Variants in ATP13A4 observed in about 807,000 individuals in gnomAD.
ATP13A4 encodes the protein ATPase 13A4, also known as probable cation-transporting ATPase 13A4.
A neutral mutation model predicts 142.5 loss-of-function variants in ATP13A4; 114 were observed. That is an observed-to-expected ratio of 0.80 (90% CI 0.69 to 0.93). ATP13A4 has a LOEUF of 0.93. Ranked by LOEUF, ATP13A4 falls within the 40% of genes least tolerant of loss-of-function variation. ATP13A4 has a pLI of 0.00. For synonymous variants in ATP13A4, 488 were observed against 514.8 expected (o/e 0.95, Z 0.70); for missense variants, 1,392 against 1,454.0 (o/e 0.96, Z 0.69).
intron 18 of ATP13A4, among the ~76,000 whole-genome samples, chr3:193,442,799 A>G (rs1265307509): frequency 5.9e-5 from 9 of 152,228 alleles, no homozygotes; most frequent in African/African-American, 1.9e-4. Flanking sequence ...GAAAAAATTA[A>G]AAAGCAAAAT....
rs1380624369 is a variant in ATP13A4 at position 193,457,049 on chromosome 3, G to A, written c.1866C>T (p.Phe622=). The A allele has an allele frequency of 3.1e-6, 5 of 1,614,004 alleles. No homozygotes were observed. In the East Asian group the frequency reaches 6.7e-5, roughly 22 times the overall value. Residue 622 remains phenylalanine (F), a synonymous_variant, in exon 16 of 30, where the codon TTC becomes TTT. Coordinates refer to ENST00000342695, the MANE Select transcript of ATP13A4 (RefSeq NM_032279.4). The part of the protein sequence containing the change: ...VQEMGGDRLA[F]MKGAPERVAS... ...CCACCCTCTCTGGTGCACCTTTCAT[G>A]AATGCCAGTCGGTCACCTCCCATCT...
At chr3:193,573,266 TATATATATAC>T (rs1724310560) in intron 2 of ATP13A4, among the ~76,000 whole-genome samples, 1 of 108,444 alleles carries the variant, frequency 9.2e-6, no homozygotes, top group Non-Finnish European at 1.8e-5. Flanking sequence ...CAGCCATATA[TATATATATAC>T]ATATATATAT....
intron 1 of ATP13A4, among the ~76,000 whole-genome samples, chr3:193,544,625 T>A (rs967494607): frequency 3.9e-5 from 6 of 152,180 alleles, no homozygotes; most frequent in Non-Finnish European, 5.9e-5. Context: ...ATCCAGATGA[T>A]TTGATTTCAA....
Position 193,448,204 on chromosome 3 carries a change from AC to A in ATP13A4, c.2152+1del. ...GTTTTCACTGTATACTTTGTTTCAT[AC>A]CTGTGATCATTACAGTCCTTATCCG... On this transcript the variant is annotated splice_donor_variant, in intron 18 of 29. Coordinates refer to ENST00000342695, the MANE Select transcript of ATP13A4 (RefSeq NM_032279.4). LOFTEE classifies it high-confidence loss of function. 1 of 1,614,030 alleles carries A rather than the reference AC, an allele frequency of 6.2e-7. No homozygotes were observed. The highest frequency in any genetic ancestry group is 2.2e-5 in the East Asian group (1 of 44,874).
At chr3:193,435,605 G>C (rs1229915549) in intron 24 of ATP13A4, 43 bp downstream of exon 24, 2 of 1,487,680 alleles carry the variant, frequency 1.3e-6, no homozygotes, top group Admixed American at 3.3e-5. Flanking sequence ...ACCGCTACTT[G>C]TTTTAGTTCA....
At chr3:193,574,406 T>C (rs1484273748) in intron 2 of ATP13A4, among the ~76,000 whole-genome samples, 1 of 152,188 alleles carries the variant, frequency 6.6e-6, no homozygotes, top group African/African-American at 2.4e-5. Flanking sequence ...GCTCTTTTTG[T>C]AGTTCTCTGT....
chr3:193,584,222 C>T (rs147157306), intron 1 of ATP13A4, among the ~76,000 whole-genome samples: 42 of 152,154 alleles, frequency 2.8e-4, no homozygotes, highest in Middle Eastern at 3.4e-3. Context: ...CACACGGATG[C>T]TTACATGTGG....
rs778553015 is a variant in ATP13A4 at position 193,441,475 on chromosome 3, T to C, written c.2430A>G (p.Leu810=). 10 of 1,613,854 alleles carry C rather than the reference T, an allele frequency of 6.2e-6. No homozygotes were observed. The South Asian group carries it at 1.1e-4, about 18-fold the overall frequency. ...FHVISQHFSS[L]LPKILINGTI... ...CCCTCTTAGAACTTACCTTTGGCAG[T>C]AGGCTGCTGAAATGTTGACTTATAA... The change falls in exon 20 of 30, where the codon CTA becomes CTG. Residue 810 remains leucine, a synonymous_variant. Coordinates refer to ENST00000342695, the MANE Select transcript of ATP13A4 (RefSeq NM_032279.4).
chr3:193,470,665 G>C (rs1718564910), intron 9 of ATP13A4, among the ~76,000 whole-genome samples, 194 bp downstream of exon 9: 1 of 152,118 alleles, frequency 6.6e-6, no homozygotes, highest in Admixed American at 6.5e-5. Flanking sequence ...CACATAGAAA[G>C]AGCTTTAATT....
intron 25 of ATP13A4, among the ~76,000 whole-genome samples, chr3:193,433,578 CATTTT>C (rs1286899761): frequency 6.6e-6 from 1 of 152,110 alleles, no homozygotes; most frequent in Non-Finnish European, 1.5e-5. Context: ...CTGCTTTTTT[CATTTT>C]AAGTGTTTAG....
Position 193,457,167 on chromosome 3 carries a change from G to A in ATP13A4, c.1762-14C>T. 1 of 1,612,638 alleles carries A rather than the reference G, an allele frequency of 6.2e-7. No homozygotes were observed. The highest frequency in any genetic ancestry group is 2.2e-5 in the East Asian group (1 of 44,886). Reference sequence around the variant, plus strand: ...TTCCACTGGGACCTGGTTGAGGGATGGGGAAAGGAGAGGAACATGCTGATA... The same window carrying A: ...TTCCACTGGGACCTGGTTGAGGGATAGGGAAAGGAGAGGAACATGCTGATA... On this transcript the variant is annotated splice_polypyrimidine_tract_variant and intron_variant, in intron 15 of 29. Coordinates refer to ENST00000342695, the MANE Select transcript of ATP13A4 (RefSeq NM_032279.4).
rs1485305818 is a variant in ATP13A4, at chr3:193,422,124, T to C, written c.2843-7374A>G. Among the ~76,000 whole-genome samples the C allele has an allele frequency of 1.3e-5, 2 of 149,772 alleles. 1 individual carries two copies. Among genetic ancestry groups the C allele is most frequent in the East Asian group, 4.1e-4 (2 of 4,844 alleles). On this transcript the variant is annotated intron_variant, in intron 25 of 29. Transcript: ENST00000342695. ...AGAAGATATTCTATGCAAATGGTAA[T>C]CAAAAGAGAGCAAGATTGGCTATAT... is the stretch of plus-strand genomic sequence containing the variant.
intron 14 of ATP13A4, chr3:193,458,608 T>G (rs577063747): frequency 5.5e-5 from 10 of 180,206 alleles, no homozygotes; most frequent in Middle Eastern, 5.1e-3. Context: ...TTTTTGTTCT[T>G]TCTAGTCTTG....
chr3:193,453,751 T>A (rs190922491), intron 17 of ATP13A4, among the ~76,000 whole-genome samples: 20 of 152,324 alleles, frequency 1.3e-4, no homozygotes, highest in Admixed American at 1.2e-3. Flanking sequence ...TAATTTTTTT[T>A]AAATGGGGGC....
chr3:193,474,326 A>AAAAAAAAAAAAAAAAAAAAAAAC (rs1718800704), intron 8 of ATP13A4, among the ~76,000 whole-genome samples: 1 of 142,310 alleles, frequency 7.0e-6, no homozygotes. Flanking sequence ...CCGTCTCAAA[A>AAAAAAAAAAAAAAAAAAAAAAAC]AAAAAAAAAA....
intron 2 of ATP13A4, among the ~76,000 whole-genome samples, chr3:193,565,262 A>G (rs978597304): frequency 6.6e-6 from 1 of 152,168 alleles, no homozygotes; most frequent in African/African-American, 2.4e-5. Context: ...CCTTTAATAG[A>G]TCTCCTGGAG....
At chr3:193,477,299 G>A (rs1168233929) in intron 8 of ATP13A4, among the ~76,000 whole-genome samples, 1 of 151,958 alleles carries the variant, frequency 6.6e-6, no homozygotes, top group Non-Finnish European at 1.5e-5. Flanking sequence ...TAATATCTGG[G>A]ATAGTTCTAA....
chr3:193,533,858 CA>C (rs946459405), intron 1 of ATP13A4, among the ~76,000 whole-genome samples: 1 of 152,166 alleles, frequency 6.6e-6, no homozygotes, highest in African/African-American at 2.4e-5. Context: ...TGGTAATGAA[CA>C]CCCCACTCCC....
At chr3:193,480,945 A>G (rs924536501) in intron 8 of ATP13A4, among the ~76,000 whole-genome samples, 4 of 152,180 alleles carry the variant, frequency 2.6e-5, no homozygotes, top group African/African-American at 9.6e-5. Flanking sequence ...TACCATACAG[A>G]CATAAAAAAT....
Sources: gnomAD v4.1 joint callset for allele counts (sites outside exome capture counted in the v4.1 genomes callset) on GRCh38, gnomAD v4.1.1 for gene constraint, MANE v1.5 for transcripts, NCBI Gene and HGNC (gene_info 2026-07-23, HGNC 2026-07-21) for gene names.